The following SIRPG variants were observed in gnomAD, a reference collection of about 807,000 sequenced individuals.
SIRPG encodes the protein signal-regulatory protein gamma.
SIRPG carries 38 observed loss-of-function variants against 35.7 expected under a neutral mutation model. That is an observed-to-expected ratio of 1.06 (90% CI 0.82 to 1.40). SIRPG has a LOEUF of 1.40. Ranked by LOEUF, SIRPG falls within the 40% of genes most tolerant of loss-of-function variation. The pLI, the probability that SIRPG is intolerant of heterozygous loss-of-function variation, is 0.00. For synonymous variants in SIRPG, 215 were observed against 190.4 expected, an observed-to-expected ratio of 1.13 and a Z score of -1.06; for missense variants, 519 against 483.0, an observed-to-expected ratio of 1.07 and a Z score of -0.70.
intron 2 of SIRPG, among the ~76,000 whole-genome samples, chr20:1,637,916 C>T (rs567084237): frequency 6.6e-6 from 1 of 152,206 alleles, no homozygotes; most frequent in Admixed American, 6.5e-5. Flanking sequence ...TAATTATTAC[C>T]CTGCACCTCC....
At chr20:1,680,606 C>T in the SIRPG span, among the ~76,000 whole-genome samples, 10 of 152,248 alleles carry the variant, frequency 6.6e-5, no homozygotes, top group African/African-American at 1.2e-4. Context: ...AAGGATAATA[C>T]ACCATGAGCA....
At chr20:1,683,838 G>A in the SIRPG span, among the ~76,000 whole-genome samples, 248 of 152,082 alleles carry the variant, frequency 1.6e-3, 3 homozygotes, top group African/African-American at 5.4e-3. Flanking sequence ...GCATGGTGGC[G>A]GACATCTGTA....
chr20:1,653,136 C>T (rs1021516283), intron 1 of SIRPG, among the ~76,000 whole-genome samples: 2 of 152,176 alleles, frequency 1.3e-5, no homozygotes, highest in East Asian at 1.9e-4. Flanking sequence ...ACTCCACACC[C>T]AAGAGCAGCA....
At chr20:1,677,389 C>T in the SIRPG span, among the ~76,000 whole-genome samples, 1 of 152,142 alleles carries the variant, frequency 6.6e-6, no homozygotes, top group Admixed American at 6.5e-5. Context: ...GAGCATAATA[C>T]GTGGACTGTG....
At chr20:1,671,598 TG>T in the SIRPG span, among the ~76,000 whole-genome samples, 2 of 152,104 alleles carry the variant, frequency 1.3e-5, no homozygotes, top group African/African-American at 4.8e-5. Context: ...TATAGAGGTG[TG>T]GAGTGGGAAA....
chr20:1,644,529 C>T (rs1181087791), intron 2 of SIRPG, among the ~76,000 whole-genome samples: 2 of 152,184 alleles, frequency 1.3e-5, no homozygotes, highest in Non-Finnish European at 2.9e-5. Flanking sequence ...CCGCCTATCT[C>T]CCAAGGAGCT....
the SIRPG span, among the ~76,000 whole-genome samples, chr20:1,684,619 G>C: frequency 6.6e-6 from 1 of 152,166 alleles, no homozygotes; most frequent in Non-Finnish European, 1.5e-5. Flanking sequence ...TCACTTCTCT[G>C]ACTGGTGTGA....
chr20:1,660,491 G>A (rs144019778), upstream of SIRPG, among the ~76,000 whole-genome samples: 23 of 152,246 alleles, frequency 1.5e-4, no homozygotes, highest in East Asian at 1.3e-3. Flanking sequence ...AGAATTGGGC[G>A]TATATGACTC....
chr20:1,668,023 A>G, the SIRPG span, among the ~76,000 whole-genome samples: 3 of 152,184 alleles, frequency 2.0e-5, no homozygotes, highest in African/African-American at 4.8e-5. Flanking sequence ...TATCCCCTTC[A>G]TTATGAAATA....
At chr20:1,672,947 G>A in the SIRPG span, among the ~76,000 whole-genome samples, 1 of 152,170 alleles carries the variant, frequency 6.6e-6, no homozygotes, top group South Asian at 2.1e-4. Flanking sequence ...CATCTAAGCA[G>A]GCAGGCACTC....
intron 4 of SIRPG, chr20:1,633,385 A>G (rs930552720): frequency 2.0e-5 from 3 of 152,256 alleles, no homozygotes; most frequent in African/African-American, 7.2e-5. Context: ...GAAAATTTGA[A>G]TGTATACTCC....
intron 4 of SIRPG, among the ~76,000 whole-genome samples, chr20:1,634,458 C>T (rs921563520): frequency 1.3e-5 from 2 of 151,908 alleles, no homozygotes; most frequent in African/African-American, 2.4e-5. Flanking sequence ...CCGCCCGCCT[C>T]GGCCTCCCAA....
the SIRPG span, among the ~76,000 whole-genome samples, chr20:1,680,786 T>C: frequency 6.6e-6 from 1 of 152,218 alleles, no homozygotes; most frequent in African/African-American, 2.4e-5. Context: ...ATAAAAGGAA[T>C]ATATGAAAAC....
At chr20:1,635,858 C>T (rs2091794920) in intron 3 of SIRPG, among the ~76,000 whole-genome samples, 1 of 152,162 alleles carries the variant, frequency 6.6e-6, no homozygotes, top group South Asian at 2.1e-4. Context: ...CAACCCCTGG[C>T]ATGCAGTTGG....
chr20:1,633,064 A>G (rs2091764233), intron 4 of SIRPG, among the ~76,000 whole-genome samples: 1 of 152,216 alleles, frequency 6.6e-6, no homozygotes, highest in Non-Finnish European at 1.5e-5. Context: ...AACAGGGGAT[A>G]TCGCCATAAC....
chr20:1,634,969 G>A (rs1419616955), intron 4 of SIRPG, among the ~76,000 whole-genome samples: 2 of 151,926 alleles, frequency 1.3e-5, no homozygotes, highest in Non-Finnish European at 2.9e-5. Context: ...CGTGAACCCG[G>A]GAGGCGGAGC....
the SIRPG span, among the ~76,000 whole-genome samples, chr20:1,682,709 T>G: frequency 6.6e-6 from 1 of 152,116 alleles, no homozygotes; most frequent in East Asian, 1.9e-4. Context: ...CATACAAAAA[T>G]CAACTCAAAA....
At chr20:1,661,210 G>GC, upstream of SIRPG, among the ~76,000 whole-genome samples, 1 of 152,268 alleles carries the variant, frequency 6.6e-6, no homozygotes, top group African/African-American at 2.4e-5. Context: ...GACAACCTTG[G>GC]CCAGTGGCTG....
chr20:1,682,287 T>A, the SIRPG span, among the ~76,000 whole-genome samples: 1 of 152,168 alleles, frequency 6.6e-6, no homozygotes, highest in South Asian at 2.1e-4. Flanking sequence ...ATAAGAAAAG[T>A]CTTTTAAAAA....
Sources: allele counts gnomAD v4.1 joint callset (sites outside exome capture counted in the v4.1 genomes callset), GRCh38; gene constraint gnomAD v4.1.1; transcripts MANE v1.5; gene names NCBI Gene and HGNC (gene_info 2026-07-23, HGNC 2026-07-21).